THSD7B: variants seen among roughly 807,000 people sequenced by gnomAD.
THSD7B encodes the protein thrombospondin type 1 domain containing 7B, also known as thrombospondin type-1 domain-containing protein 7B.
Under a neutral mutation model 213.6 loss-of-function variants are expected in THSD7B, and 138 were observed. That is an observed-to-expected ratio of 0.65 (90% CI 0.56 to 0.74). The LOEUF is 0.74. Ranked by LOEUF, THSD7B falls within the 30% of genes least tolerant of loss-of-function variation. The probability of loss-of-function intolerance (pLI) is 0.00; values close to 1 mark genes in which losing one functional copy is unlikely to be tolerated. For synonymous variants in THSD7B, 742 were observed against 687.0 expected, an observed-to-expected ratio of 1.08 and a Z score of -1.25; for missense variants, 1,931 against 1,991.5, an observed-to-expected ratio of 0.97 and a Z score of 0.58.
chr2:137,286,509 C>G (rs746161622), intron 12 of THSD7B, among the ~76,000 whole-genome samples: 5 of 152,082 alleles, frequency 3.3e-5, no homozygotes, highest in African/African-American at 1.2e-4. Context: ...TTTCATTCTC[C>G]GAATGGAAGA....
intron 17 of THSD7B, 57 bp downstream of exon 17, chr2:137,572,613 T>C: frequency 1.9e-6 from 3 of 1,589,580 alleles, no homozygotes; most frequent in Non-Finnish European, 2.6e-6. Context: ...TCACTGTTGT[T>C]CGTTGTGCAT....
intron 15 of THSD7B, among the ~76,000 whole-genome samples, chr2:137,543,842 TAAAC>T (rs1026450320): frequency 1.3e-5 from 2 of 151,390 alleles, no homozygotes; most frequent in African/African-American, 4.9e-5. Context: ...TTGGAGAAGA[TAAAC>T]AAGCAGTCAA....
intron 12 of THSD7B, among the ~76,000 whole-genome samples, chr2:137,323,478 C>G (rs371076789): frequency 2.0e-5 from 3 of 152,188 alleles, no homozygotes; most frequent in Admixed American, 2.0e-4. Context: ...ATAAGATGCT[C>G]TTTTATTTCC....
chr2:137,400,383 T>G (rs543218677), intron 12 of THSD7B, among the ~76,000 whole-genome samples: 1 of 152,286 alleles, frequency 6.6e-6, no homozygotes, highest in South Asian at 2.1e-4. Context: ...GAATTTACTT[T>G]TATTGGGAGG....
chr2:136,951,629 T>G (rs1452652309), intron 2 of THSD7B, among the ~76,000 whole-genome samples: 2 of 152,202 alleles, frequency 1.3e-5, no homozygotes, highest in Non-Finnish European at 2.9e-5. Context: ...TCCTTCATCT[T>G]TTGCCAATAC....
At chr2:136,881,322 G>A (rs1479371090) in intron 1 of THSD7B, among the ~76,000 whole-genome samples, 1 of 152,076 alleles carries the variant, frequency 6.6e-6, no homozygotes, top group Non-Finnish European at 1.5e-5. Flanking sequence ...CATGGACTTT[G>A]TCTGAGTAGA....
intron 2 of THSD7B, among the ~76,000 whole-genome samples, chr2:137,027,466 C>T (rs909525846): frequency 6.6e-6 from 1 of 152,170 alleles, no homozygotes; most frequent in Non-Finnish European, 1.5e-5. Flanking sequence ...AGAAGGAACG[C>T]AAATTTTACT....
chr2:137,504,587 A>C (rs1679791190), intron 15 of THSD7B, among the ~76,000 whole-genome samples: 1 of 152,198 alleles, frequency 6.6e-6, no homozygotes, highest in Admixed American at 6.5e-5. Context: ...ATATGATTGA[A>C]CCACACAAAA....
intron 7 of THSD7B, among the ~76,000 whole-genome samples, chr2:137,188,021 G>A (rs954447505): frequency 6.6e-6 from 1 of 152,066 alleles, no homozygotes; most frequent in African/African-American, 2.4e-5. Flanking sequence ...TGTAAGATAA[G>A]TCTCATTGTT....
intron 1 of THSD7B, among the ~76,000 whole-genome samples, chr2:136,805,033 A>T (rs1378920014): frequency 1.3e-5 from 2 of 152,214 alleles, no homozygotes; most frequent in East Asian, 3.9e-4. Flanking sequence ...GCAGGCTGTT[A>T]TACTGAGCTA....
At chr2:137,094,618 A>G (rs950211321) in intron 3 of THSD7B, among the ~76,000 whole-genome samples, 11 of 151,992 alleles carry the variant, frequency 7.2e-5, no homozygotes, top group African/African-American at 2.4e-4. Context: ...TACGGATAAT[A>G]CTGTTAAAAG....
intron 12 of THSD7B, among the ~76,000 whole-genome samples, chr2:137,307,409 C>G (rs1319358302): frequency 1.3e-5 from 2 of 152,064 alleles, no homozygotes; most frequent in African/African-American, 2.4e-5. Flanking sequence ...ACACCAAACT[C>G]TCTAGGAACA....
chr2:137,370,902 G>A (rs139224507), intron 12 of THSD7B, among the ~76,000 whole-genome samples: 44 of 151,418 alleles, frequency 2.9e-4, no homozygotes, highest in African/African-American at 9.2e-4. Context: ...CTATATACAC[G>A]TTTTTGAAAG....
intron 14 of THSD7B, among the ~76,000 whole-genome samples, chr2:137,429,164 G>C (rs1687121403): frequency 6.6e-6 from 1 of 152,188 alleles, no homozygotes; most frequent in Non-Finnish European, 1.5e-5. Context: ...CTTAGGACTG[G>C]AAGAATGGGG....
chr2:137,526,107 C>A (rs1301958580), intron 15 of THSD7B, among the ~76,000 whole-genome samples: 1 of 152,188 alleles, frequency 6.6e-6, no homozygotes, highest in African/African-American at 2.4e-5. Context: ...TTTTACTACT[C>A]TTACTGCTTG....
At chr2:137,573,066 A>G (rs1681389590) in intron 17 of THSD7B, among the ~76,000 whole-genome samples, 1 of 151,354 alleles carries the variant, frequency 6.6e-6, no homozygotes. Context: ...AATACCTTAA[A>G]AAAAAAAAAA....
At chr2:137,308,490 G>A (rs763597413) in intron 12 of THSD7B, among the ~76,000 whole-genome samples, 1 of 151,980 alleles carries the variant, frequency 6.6e-6, no homozygotes, top group South Asian at 2.1e-4. Flanking sequence ...ATTCAGAGTC[G>A]TTACCCATTG....
chr2:136,829,381 G>T (rs1040638950), intron 1 of THSD7B, among the ~76,000 whole-genome samples: 23 of 152,154 alleles, frequency 1.5e-4, no homozygotes, highest in African/African-American at 5.1e-4. Context: ...TGAGAGGTGG[G>T]AGTAGAACCA....
chr2:137,068,398 A>G (rs538659905), intron 3 of THSD7B, among the ~76,000 whole-genome samples: 4 of 152,230 alleles, frequency 2.6e-5, no homozygotes, highest in African/African-American at 9.6e-5. Flanking sequence ...GGTTTTAGAA[A>G]AATAATCATG....
Sources: gnomAD v4.1 joint callset for allele counts (sites outside exome capture counted in the v4.1 genomes callset) on GRCh38, gnomAD v4.1.1 for gene constraint, MANE v1.5 for transcripts, NCBI Gene and HGNC (gene_info 2026-07-23, HGNC 2026-07-21) for gene names.